The following DLGAP2 variants were observed in gnomAD, a reference collection of about 807,000 sequenced individuals.
DLGAP2 encodes the protein disks large-associated protein 2.
Under a neutral mutation model 100.3 loss-of-function variants are expected in DLGAP2, and 26 were observed. The ratio of observed to expected loss-of-function variants is 0.26; its 90% CI spans 0.19 to 0.36. DLGAP2 has a LOEUF of 0.36. Among genes scored for constraint, DLGAP2 ranks in the 10% least tolerant of loss-of-function variants. The pLI, the probability that DLGAP2 is intolerant of heterozygous loss-of-function variation, is 1.00. For missense variants in DLGAP2, 1,858 were observed against 1,453.2 expected, an observed-to-expected ratio of 1.28 and a Z score of -4.53; for synonymous variants, 886 against 630.1, an observed-to-expected ratio of 1.41 and a Z score of -6.08.
chr8:1,570,200 A>G (rs993079308), intron 6 of DLGAP2, among the ~76,000 whole-genome samples: 8 of 152,224 alleles, frequency 5.3e-5, no homozygotes, highest in African/African-American at 1.9e-4. Context: ...CCGGGGAGGC[A>G]CATACACATC....
intron 2 of DLGAP2, among the ~76,000 whole-genome samples, chr8:1,172,449 A>G (rs967601983): frequency 6.6e-6 from 1 of 152,034 alleles, no homozygotes; most frequent in Admixed American, 6.6e-5. Context: ...AGATTGGGGA[A>G]GTTCTCCTGG....
chr8:1,097,773 A>G (rs1236084476), intron 2 of DLGAP2, among the ~76,000 whole-genome samples: 1 of 114,940 alleles, frequency 8.7e-6, no homozygotes, highest in African/African-American at 3.6e-5. Flanking sequence ...CCTTTGTGGC[A>G]TGGAGAGGAC....
At chr8:1,149,878 G>A (rs538942175) in intron 2 of DLGAP2, among the ~76,000 whole-genome samples, 4 of 152,292 alleles carry the variant, frequency 2.6e-5, no homozygotes, top group Non-Finnish European at 4.4e-5. Context: ...AACTCAGACC[G>A]ATGGGTGTTA....
intron 6 of DLGAP2, among the ~76,000 whole-genome samples, chr8:1,576,324 T>A (rs1424756209): frequency 1.3e-5 from 2 of 152,248 alleles, no homozygotes; most frequent in Non-Finnish European, 2.9e-5. Flanking sequence ...TGTTTATTTT[T>A]TTCTTGTAAA....
intron 2 of DLGAP2, among the ~76,000 whole-genome samples, chr8:944,677 C>T (rs150609773): frequency 0.022 from 3,372 of 150,868 alleles, 98 homozygotes; most frequent in African/African-American, 0.075. Context: ...ATGATCCCTG[C>T]GGGTGATCCA....
intron 3 of DLGAP2, among the ~76,000 whole-genome samples, chr8:1,491,341 G>GGAGGCTTCGGGCCGCTCCCCCTGACCCGA (rs1799379770): frequency 6.8e-6 from 1 of 147,760 alleles, no homozygotes; most frequent in Non-Finnish European, 1.5e-5. Flanking sequence ...TCCTGACCCC[G>GGAGGCTTCGGGCCGCTCCCCCTGACCCGA]GAGGCTTCGG....
chr8:1,659,822 G>A (rs1991747283), intron 8 of DLGAP2, among the ~76,000 whole-genome samples: 1 of 152,062 alleles, frequency 6.6e-6, no homozygotes, highest in Non-Finnish European at 1.5e-5. Flanking sequence ...TCTTTTAACT[G>A]GGGCATTTAG....
At chr8:1,574,794 C>T (rs946696977) in intron 6 of DLGAP2, among the ~76,000 whole-genome samples, 1 of 152,162 alleles carries the variant, frequency 6.6e-6, no homozygotes, top group African/African-American at 2.4e-5. Flanking sequence ...CTGATCATTC[C>T]GGACACAAGA....
intron 2 of DLGAP2, among the ~76,000 whole-genome samples, chr8:1,077,902 C>T (rs1563179915): frequency 1.3e-5 from 2 of 152,302 alleles, no homozygotes; most frequent in East Asian, 3.9e-4. Context: ...CACGAGTTCT[C>T]CAGCGGCCGC....
At chr8:852,597 G>T (rs1392213251) in intron 1 of DLGAP2, among the ~76,000 whole-genome samples, 1 of 152,192 alleles carries the variant, frequency 6.6e-6, no homozygotes, top group African/African-American at 2.4e-5. Context: ...TCTCAGCCTC[G>T]TGGGCTTTTG....
In DLGAP2 at chr8:1,031,200, C is replaced by A. The variant is rs78606605; in HGVS notation, c.73+123234C>A. Among the ~76,000 whole-genome samples, 1,044 of 152,062 alleles carry A rather than the reference C, an allele frequency of 6.9e-3. 16 individuals are homozygous for A. The highest frequency in any genetic ancestry group is 0.024 in the African/African-American group (988 of 41,456). Reference sequence around the variant, plus strand: ...CACCCAATACGTACACACTCAGTGTCCTTTATGGAAGAATCCCAGGGTGGC... The same window carrying A: ...CACCCAATACGTACACACTCAGTGTACTTTATGGAAGAATCCCAGGGTGGC... On this transcript the variant is annotated intron_variant, in intron 2 of 14. Coordinates refer to ENST00000637795, the MANE Select transcript of DLGAP2 (RefSeq NM_001346810.2).
At chr8:881,762 C>T (rs1218557663) in intron 1 of DLGAP2, among the ~76,000 whole-genome samples, 1 of 151,422 alleles carries the variant, frequency 6.6e-6, no homozygotes, top group Non-Finnish European at 1.5e-5. Flanking sequence ...TGTGATCCAC[C>T]CGCCTCAGCC....
chr8:1,513,944 G>A (rs772798159), intron 4 of DLGAP2, among the ~76,000 whole-genome samples: 40 of 152,262 alleles, frequency 2.6e-4, no homozygotes, highest in Non-Finnish European at 4.7e-4. Context: ...TGCTGCCTAC[G>A]CAATGTGATT....
At chr8:1,143,417 A>C (rs1796555098) in intron 2 of DLGAP2, among the ~76,000 whole-genome samples, 1 of 152,186 alleles carries the variant, frequency 6.6e-6, no homozygotes. Flanking sequence ...TCAAACTTTC[A>C]GTTTTTGGTT....
At chr8:826,911 G>C (rs1272771916) in intron 1 of DLGAP2, among the ~76,000 whole-genome samples, 1 of 152,168 alleles carries the variant, frequency 6.6e-6, no homozygotes, top group Non-Finnish European at 1.5e-5. Flanking sequence ...TGTTTTTGTA[G>C]AAACATCCAG....
intron 2 of DLGAP2, among the ~76,000 whole-genome samples, chr8:937,599 T>TGGGGCTGGA (rs1799100976): frequency 1.3e-5 from 2 of 152,066 alleles, no homozygotes; most frequent in Non-Finnish European, 2.9e-5. Flanking sequence ...TGGAGTTGCT[T>TGGGGCTGGA]GGGGCTGGAG....
chr8:1,061,835 C>T (rs991043798), intron 2 of DLGAP2, among the ~76,000 whole-genome samples: 7 of 151,946 alleles, frequency 4.6e-5, no homozygotes, highest in Admixed American at 2.6e-4. Context: ...CCAGGGAGCA[C>T]GAGACGTCGC....
intron 2 of DLGAP2, among the ~76,000 whole-genome samples, chr8:1,144,080 C>T (rs1433036669): frequency 6.6e-6 from 1 of 152,242 alleles, no homozygotes; most frequent in African/African-American, 2.4e-5. Flanking sequence ...GCATACCTTT[C>T]CCCTGTGCTC....
intron 9 of DLGAP2, among the ~76,000 whole-genome samples, chr8:1,668,891 G>T (rs777631760): frequency 2.0e-5 from 3 of 152,170 alleles, no homozygotes; most frequent in South Asian, 4.1e-4. Flanking sequence ...GCGGACCCCA[G>T]TGCAGGGCTG....
Sources: allele counts gnomAD v4.1 joint callset (sites outside exome capture counted in the v4.1 genomes callset), GRCh38; gene constraint gnomAD v4.1.1; transcripts MANE v1.5; gene names NCBI Gene and HGNC (gene_info 2026-07-23, HGNC 2026-07-21).